The following EPHA5 variants were observed in gnomAD, a reference collection of about 807,000 sequenced individuals.
The protein encoded by EPHA5 is EPH receptor A5.
A neutral mutation model predicts 105.0 loss-of-function variants in EPHA5; 60 were observed. That is an observed-to-expected ratio of 0.57 (90% confidence interval 0.46 to 0.71). EPHA5 has a LOEUF of 0.71. Among genes scored for constraint, EPHA5 ranks in the 30% least tolerant of loss-of-function variants. EPHA5 has a pLI of 0.00. For synonymous variants in EPHA5, 513 were observed against 449.1 expected (o/e 1.14, Z -1.80); for missense variants, 1,218 against 1,274.7 (o/e 0.96, Z 0.68).
intron 3 of EPHA5, among the ~76,000 whole-genome samples, chr4:65,514,455 C>T (rs1027218320): frequency 1.3e-5 from 2 of 152,126 alleles, no homozygotes; most frequent in Middle Eastern, 3.2e-3. Context: ...GGTATTCTAG[C>T]TTACAGTCTA....
At chr4:65,561,438 C>A (rs1739007721) in intron 3 of EPHA5, among the ~76,000 whole-genome samples, 1 of 152,008 alleles carries the variant, frequency 6.6e-6, no homozygotes, top group African/African-American at 2.4e-5. Flanking sequence ...CATTCATAAG[C>A]ACGGGCATCA....
chr4:65,320,270 A>G lies in EPHA5; in HGVS notation c.*3844T>C, dbSNP rs557368775. The G allele has an allele frequency of 2.2e-5, 5 of 230,192 alleles. No homozygotes were observed. The highest frequency in any genetic ancestry group is 3.6e-4 in the South Asian group (2 of 5,492). 14.3% of individuals were successfully genotyped at this position (230,192 alleles called of 1,614,324 possible). A position where few individuals can be genotyped will look rare whatever the true frequency, so the allele number is the denominator to read the frequency against. Reference sequence around the variant, plus strand: ...GTGCTACAGAGTTGAAAAAATGATGACTTATTTTACTTATTAATGTCAAAT... The same window carrying G: ...GTGCTACAGAGTTGAAAAAATGATGGCTTATTTTACTTATTAATGTCAAAT... On this transcript the variant is annotated 3_prime_UTR_variant, in exon 17 of 17. Transcript: ENST00000613740.
At chr4:65,457,113 G>A (rs1727675555) in intron 5 of EPHA5, among the ~76,000 whole-genome samples, 1 of 152,118 alleles carries the variant, frequency 6.6e-6, no homozygotes, top group Non-Finnish European at 1.5e-5. Flanking sequence ...TTTCAATTGT[G>A]AACTGAAATA....
chr4:65,659,037 G>C (rs1749310205), intron 1 of EPHA5, among the ~76,000 whole-genome samples: 1 of 151,884 alleles, frequency 6.6e-6, no homozygotes, highest in African/African-American at 2.4e-5. Context: ...GGGTTGGCTT[G>C]GACAGGAGAT....
intron 11 of EPHA5, among the ~76,000 whole-genome samples, chr4:65,362,977 G>A (rs990231355): frequency 2.0e-5 from 3 of 151,594 alleles, no homozygotes; most frequent in Non-Finnish European, 3.0e-5. Flanking sequence ...TGTCATGTAC[G>A]CATAGTGTTC....
chr4:65,577,979 T>C (rs2149391781), intron 3 of EPHA5, among the ~76,000 whole-genome samples: 1 of 152,342 alleles, frequency 6.6e-6, no homozygotes, highest in Admixed American at 6.5e-5. Context: ...TTTATAGCAC[T>C]TAATTAGCCT....
intron 6 of EPHA5, among the ~76,000 whole-genome samples, chr4:65,419,872 A>G (rs972401043): frequency 6.6e-5 from 10 of 152,216 alleles, no homozygotes; most frequent in Non-Finnish European, 1.3e-4. Flanking sequence ...AAAATGTTTA[A>G]AAGTGGCTAT....
At chr4:65,346,390 G>C (rs949603996) in intron 14 of EPHA5, among the ~76,000 whole-genome samples, 1 of 151,650 alleles carries the variant, frequency 6.6e-6, no homozygotes, top group African/African-American at 2.4e-5. Flanking sequence ...TTTCTTAAAT[G>C]GCTTATGGAT....
At chr4:65,490,330 A>T (rs2149211587) in intron 5 of EPHA5, 47 bp downstream of exon 5, 3 of 1,540,078 alleles carry the variant, frequency 1.9e-6, no homozygotes, top group Non-Finnish European at 2.7e-6. Flanking sequence ...GAAATAATTG[A>T]CAGAACTAGG....
At chr4:65,525,543 C>A (rs1050390934) in intron 3 of EPHA5, among the ~76,000 whole-genome samples, 10 of 151,784 alleles carry the variant, frequency 6.6e-5, no homozygotes, top group African/African-American at 2.4e-4. Context: ...ATTTAAGTAA[C>A]CTACTGCACC....
chr4:65,488,717 G>A (rs1371800430), intron 5 of EPHA5, among the ~76,000 whole-genome samples: 3 of 151,958 alleles, frequency 2.0e-5, no homozygotes, highest in African/African-American at 7.2e-5. Context: ...TTTTCTAATA[G>A]GAAAAAAAAT....
intron 3 of EPHA5, among the ~76,000 whole-genome samples, chr4:65,548,908 G>A (rs1454856408): frequency 6.6e-6 from 1 of 152,106 alleles, no homozygotes; most frequent in African/African-American, 2.4e-5. Flanking sequence ...TAGGGAACTT[G>A]GACAAATGTT....
At chr4:65,378,323 A>C (rs1226487219) in intron 8 of EPHA5, among the ~76,000 whole-genome samples, 3 of 151,856 alleles carry the variant, frequency 2.0e-5, no homozygotes, top group African/African-American at 7.2e-5. Context: ...TTCACTGTAG[A>C]GATATTGAGA....
intron 5 of EPHA5, among the ~76,000 whole-genome samples, chr4:65,427,675 A>G (rs1409922072): frequency 6.6e-6 from 1 of 152,154 alleles, no homozygotes; most frequent in African/African-American, 2.4e-5. Flanking sequence ...TAATCTAAAA[A>G]CCTAAGCTAC....
intron 8 of EPHA5, among the ~76,000 whole-genome samples, chr4:65,378,721 C>CA (rs1719257889): frequency 6.6e-6 from 1 of 151,892 alleles, no homozygotes; most frequent in East Asian, 1.9e-4. Flanking sequence ...GTTTGCCCTC[C>CA]TTTGTTAGAC....
chr4:65,425,813 A>T (rs4241664), intron 5 of EPHA5, among the ~76,000 whole-genome samples: 15,101 of 151,884 alleles, frequency 0.099, 973 homozygotes, highest in Middle Eastern at 0.23. Flanking sequence ...TTCTGCTTAT[A>T]TTTGGTATTT....
intron 3 of EPHA5, among the ~76,000 whole-genome samples, chr4:65,497,898 G>A (rs1732101056): frequency 6.6e-6 from 1 of 151,926 alleles, no homozygotes; most frequent in African/African-American, 2.4e-5. Flanking sequence ...GGCTTCAGAG[G>A]TAAATGTGAT....
intron 8 of EPHA5, among the ~76,000 whole-genome samples, chr4:65,388,249 G>T (rs2148948326): frequency 6.6e-6 from 1 of 150,894 alleles, no homozygotes; most frequent in African/African-American, 2.4e-5. Context: ...CCAAGTCTTT[G>T]CTATTGTGAA....
At chr4:65,533,787 A>T (rs1212232747) in intron 3 of EPHA5, among the ~76,000 whole-genome samples, 1 of 152,066 alleles carries the variant, frequency 6.6e-6, no homozygotes, top group Non-Finnish European at 1.5e-5. Context: ...TACAAAAATT[A>T]GCTGGGTGTG....
Sources: allele counts gnomAD v4.1 joint callset (sites outside exome capture counted in the v4.1 genomes callset), GRCh38; gene constraint gnomAD v4.1.1; transcripts MANE v1.5; gene names NCBI Gene and HGNC (gene_info 2026-07-23, HGNC 2026-07-21).